Variants in PRR5 observed in about 807,000 individuals in gnomAD.
PRR5 encodes the protein proline-rich protein 5.
PRR5 carries 25 observed loss-of-function variants against 30.6 expected under a neutral mutation model. The ratio of observed to expected loss-of-function variants is 0.82; its 90% CI spans 0.60 to 1.14. The LOEUF (loss-of-function observed/expected upper bound fraction) is 1.14. Among genes scored for constraint, PRR5 ranks in the 50% most tolerant of loss-of-function variants. PRR5 has a pLI of 0.00. For missense variants in PRR5, 600 were observed against 547.1 expected (o/e 1.10, Z -0.96); for synonymous variants, 286 against 247.1 (o/e 1.16, Z -1.48).
upstream of PRR5, among the ~76,000 whole-genome samples, chr22:44,676,412 A>G (rs868339180): frequency 1.2e-3 from 172 of 148,478 alleles, no homozygotes; most frequent in African/African-American, 1.4e-3. Flanking sequence ...AAAAAAAAAA[A>G]AAAGAAAGAA....
At chr22:44,721,321 G>A (rs1054914987) in intron 2 of PRR5, among the ~76,000 whole-genome samples, 2 of 152,130 alleles carry the variant, frequency 1.3e-5, no homozygotes, top group African/African-American at 4.8e-5. Flanking sequence ...CCATTACTTG[G>A]TGTACACCCT....
chr22:44,670,692 A>G (rs1330241393), intron 1 of PRR5, among the ~76,000 whole-genome samples: 1 of 152,102 alleles, frequency 6.6e-6, no homozygotes. Context: ...TTTGTGAGCT[A>G]ATGGGTTTTT....
At position 44,731,811 on chromosome 22, in the gene PRR5, AC is replaced by A; in HGVS notation, c.407del (p.Pro136ArgfsTer25). 6.2e-7 allele frequency: 1 copy of A among 1,613,040 alleles called. No individual in the cohort carries two copies. Among genetic ancestry groups the A allele is most frequent in the Non-Finnish European group, 8.5e-7 (1 of 1,179,930 alleles). ...CTGCCCATGCTGCAGGCCATCTTCT[AC>A]CCGGTGCAGGTGGGCAGCCCAGCCC... ...DVLPMLQAIF[Y>X]PVQGKEPSVR... On this transcript the variant is annotated frameshift_variant, in exon 5 of 8. Coordinates refer to ENST00000336985, the MANE Select transcript of PRR5 (RefSeq NM_181333.4). LOFTEE classifies it high-confidence loss of function.
intron 4 of PRR5, among the ~76,000 whole-genome samples, chr22:44,728,046 G>T (rs770267723): frequency 6.6e-6 from 1 of 152,230 alleles, no homozygotes; most frequent in East Asian, 1.9e-4. Flanking sequence ...TAGGGGAGCC[G>T]GGGCTCTCGG....
intron 2 of PRR5, among the ~76,000 whole-genome samples, chr22:44,716,532 A>G (rs1202573950): frequency 2.0e-5 from 3 of 152,156 alleles, no homozygotes; most frequent in Non-Finnish European, 2.9e-5. Flanking sequence ...ACGTTTTTTA[A>G]AAGTAAATTA....
chr22:44,733,025 A>G (rs1016429095), intron 6 of PRR5, among the ~76,000 whole-genome samples: 4 of 152,020 alleles, frequency 2.6e-5, no homozygotes, highest in Non-Finnish European at 4.4e-5. Flanking sequence ...GCACATGCAC[A>G]TACACACTAC....
chr22:44,716,188 C>T (rs574133656), intron 2 of PRR5, among the ~76,000 whole-genome samples: 6 of 152,334 alleles, frequency 3.9e-5, no homozygotes, highest in African/African-American at 7.2e-5. Context: ...AGGCTTCCCT[C>T]GTCAGCCCCA....
chr22:44,699,897 G>A (rs541816762), upstream of PRR5, among the ~76,000 whole-genome samples: 1 of 150,834 alleles, frequency 6.6e-6, no homozygotes, highest in South Asian at 2.1e-4. Context: ...TTCAGTACAT[G>A]CTTTAGTATT....
chr22:44,716,296 C>T (rs1929039299), intron 2 of PRR5, among the ~76,000 whole-genome samples: 1 of 152,204 alleles, frequency 6.6e-6, no homozygotes, highest in Admixed American at 6.6e-5. Flanking sequence ...TTAGTCAGTT[C>T]AGAATGAAGT....
upstream of PRR5, among the ~76,000 whole-genome samples, chr22:44,700,416 T>C (rs1422825234): frequency 2.0e-5 from 3 of 152,120 alleles, no homozygotes; most frequent in Non-Finnish European, 4.4e-5. Flanking sequence ...CAGTGAGCCA[T>C]GATTGCGCCA....
At chr22:44,675,588 C>T (rs1330590502), upstream of PRR5, among the ~76,000 whole-genome samples, 1 of 152,048 alleles carries the variant, frequency 6.6e-6, no homozygotes, top group Non-Finnish European at 1.5e-5. Context: ...CTGTGTGACC[C>T]CAGGCAGGGC....
rs1293285811 is a variant in PRR5 at position 44,735,084 on chromosome 22, C to T, written c.613C>T (p.Gln205Ter). Reference sequence around the variant, plus strand: ...CTACCTGCGCCTGGAGACGCTGGTCCAGAAGGTGGTGTCGCCATACCTGGG... The same window carrying T: ...CTACCTGCGCCTGGAGACGCTGGTCTAGAAGGTGGTGTCGCCATACCTGGG... ...EDYLRLETLV[Q>*]KVVSPYLGTY... The change falls in exon 7 of 8, where the codon CAG becomes TAG. Residue 205 changes from glutamine to a stop codon, truncating the protein, a stop_gained. Coordinates refer to ENST00000336985, the MANE Select transcript of PRR5 (RefSeq NM_181333.4). LOFTEE classifies it high-confidence loss of function. 1.2e-6 allele frequency: 2 copies of T among 1,611,778 alleles called. No individual in the cohort carries two copies. The highest frequency in any genetic ancestry group is 1.3e-5 in the African/African-American group (1 of 74,878).
Position 44,731,867 on chromosome 22 carries a change from G to A in PRR5, c.414+46G>A, listed in dbSNP as rs765245122. ...GAGGGAAGCCCAGTGCCCCTGCTGT[G>A]CCCACCCTGGCCTCACTCTACAGAG... is the stretch of plus-strand genomic sequence containing the variant. On this transcript the variant is annotated intron_variant, in intron 5 of 7. Transcript: ENST00000336985. The A allele has an allele frequency of 1.4e-5, 22 of 1,576,508 alleles. No individual in the cohort carries two copies. In the Admixed American group the frequency reaches 3.7e-4, roughly 27 times the overall value.
In PRR5 at chr22:44,714,545, GC is replaced by G. The variant is rs1928758734; in HGVS notation, c.135-45del. The G allele has an allele frequency of 1.3e-5, 21 of 1,606,016 alleles. No homozygotes were observed. In the East Asian group the frequency reaches 4.5e-4, roughly 34 times the overall value. ...ATGGGGCCTGATGGGCAACCAGGGG[GC>G]TCTCAGACCTCAGGACTGCAGTGTT... On this transcript the variant is annotated intron_variant, in intron 1 of 7. Coordinates refer to ENST00000336985, the MANE Select transcript of PRR5 (RefSeq NM_181333.4).
intron 3 of PRR5, 146 bp downstream of exon 3, chr22:44,725,438 G>C: frequency 9.3e-7 from 1 of 1,073,756 alleles, no homozygotes; most frequent in Non-Finnish European, 1.3e-6. Flanking sequence ...TCCTTATCTA[G>C]CCACGTGGAA....
At chr22:44,720,997 C>G (rs1052819493) in intron 2 of PRR5, among the ~76,000 whole-genome samples, 2 of 152,162 alleles carry the variant, frequency 1.3e-5, no homozygotes, top group Admixed American at 1.3e-4. Context: ...CATTTGTTCA[C>G]TTATTCCTTC....
At position 44,729,508 on chromosome 22, in the gene PRR5, C is replaced by T. The variant is rs1187416364; in HGVS notation, c.323-2222C>T. The T allele has an allele frequency of 1.1e-5, 11 of 985,430 alleles. No homozygotes were observed. In the South Asian group the frequency reaches 1.4e-4, roughly 13 times the overall value. The allele number at this position is 985,430 out of a possible 1,614,324, so 61.0% of individuals were successfully genotyped here. A position where few individuals can be genotyped will look rare whatever the true frequency, so the allele number is the denominator to read the frequency against. ...CACACACCCGGCCCCGTCCTGCCGG[C>T]AGCAAACGCCCAGTGCTGTTTCATC... On this transcript the variant is annotated intron_variant, in intron 4 of 7. Transcript: ENST00000336985.
At chr22:44,721,973 G>A (rs769974587) in intron 2 of PRR5, among the ~76,000 whole-genome samples, 5 of 152,234 alleles carry the variant, frequency 3.3e-5, no homozygotes, top group Non-Finnish European at 7.3e-5. Flanking sequence ...CTGCGTGGAC[G>A]TGGGGATCAC....
At chr22:44,680,024 T>A in intron 1 of PRR5, 1 of 736,462 alleles carries the variant, frequency 1.4e-6, no homozygotes. Flanking sequence ...TCAGCCTGAG[T>A]GAGTGTGTTT....
Sources: gnomAD v4.1 joint callset for allele counts (sites outside exome capture counted in the v4.1 genomes callset) on GRCh38, gnomAD v4.1.1 for gene constraint, MANE v1.5 for transcripts, NCBI Gene and HGNC (gene_info 2026-07-23, HGNC 2026-07-21) for gene names.